CACNA2D3: variants seen among roughly 807,000 people sequenced by gnomAD.
The protein encoded by CACNA2D3 is calcium voltage-gated channel auxiliary subunit alpha2delta 3.
Under a neutral mutation model 160.6 loss-of-function variants are expected in CACNA2D3, and 60 were observed. The ratio of observed to expected loss-of-function variants is 0.37; its 90% CI spans 0.30 to 0.46. The LOEUF is 0.46. Ranked by LOEUF, CACNA2D3 falls within the 20% of genes least tolerant of loss-of-function variation. CACNA2D3 has a pLI of 1.00. For synonymous variants in CACNA2D3, 558 were observed against 492.9 expected, an observed-to-expected ratio of 1.13 and a Z score of -1.75; for missense variants, 1,205 against 1,365.0, an observed-to-expected ratio of 0.88 and a Z score of 1.85.
intron 11 of CACNA2D3, among the ~76,000 whole-genome samples, chr3:54,646,187 CTT>C (rs1258853573): frequency 0.47 from 7,523 of 16,116 alleles, 1,988 homozygotes; most frequent in Non-Finnish European, 0.55. Flanking sequence ...TCCCTCCCTC[CTT>C]CCTTGCTTCC....
At chr3:54,918,888 T>G (rs753278376) in intron 27 of CACNA2D3, 27 of 1,524,108 alleles carry the variant, frequency 1.8e-5, no homozygotes, top group Non-Finnish European at 2.4e-5. Flanking sequence ...CGTCTGTTAG[T>G]CCCCCTTTAA....
At chr3:54,814,614 G>A (rs7644892) in intron 13 of CACNA2D3, among the ~76,000 whole-genome samples, 23,530 of 152,194 alleles carry the variant, frequency 0.15, 1,902 homozygotes, top group East Asian at 0.18. Flanking sequence ...TTATTTAAAA[G>A]CTCCAGTAGG....
intron 9 of CACNA2D3, among the ~76,000 whole-genome samples, chr3:54,583,129 T>G (rs752442069): frequency 6.6e-6 from 1 of 152,200 alleles, no homozygotes; most frequent in Non-Finnish European, 1.5e-5. Flanking sequence ...AGTGAAGATC[T>G]CATCCCTATT....
intron 27 of CACNA2D3, among the ~76,000 whole-genome samples, chr3:54,941,217 C>G (rs1701458549): frequency 6.6e-6 from 1 of 152,138 alleles, no homozygotes; most frequent in South Asian, 2.1e-4. Context: ...ACAGGCAAAG[C>G]CTTGTCCAAA....
chr3:54,778,280 A>T (rs1298329774), intron 13 of CACNA2D3, among the ~76,000 whole-genome samples: 8 of 151,966 alleles, frequency 5.3e-5, no homozygotes, highest in Admixed American at 2.0e-4. Flanking sequence ...CTTCTCCAAC[A>T]TTGGGGGTTA....
chr3:54,728,707 G>A (rs1048706927), intron 11 of CACNA2D3, among the ~76,000 whole-genome samples: 1 of 152,172 alleles, frequency 6.6e-6, no homozygotes, highest in Non-Finnish European at 1.5e-5. Context: ...TACAGGCAAA[G>A]TATCTTGATC....
intron 3 of CACNA2D3, among the ~76,000 whole-genome samples, chr3:54,367,242 G>A (rs1368241824): frequency 2.6e-5 from 4 of 151,940 alleles, no homozygotes; most frequent in African/African-American, 9.7e-5. Context: ...GCTAAATTTT[G>A]TTCACTAGAC....
chr3:54,155,097 A>T (rs1480449828), intron 2 of CACNA2D3, among the ~76,000 whole-genome samples: 1 of 152,242 alleles, frequency 6.6e-6, no homozygotes, highest in Non-Finnish European at 1.5e-5. Context: ...GCTGATGGCC[A>T]TTAGCTCGAG....
In CACNA2D3 at chr3:54,926,505, TACACACACACACACACACACACAC is replaced by T. The variant is rs36205023; in HGVS notation, c.2449+26662_2449+26685del. Among the ~76,000 whole-genome samples the T allele has an allele frequency of 3.1e-3, 447 of 143,408 alleles. 1 individual carries two copies. Among genetic ancestry groups the T allele is most frequent in the Non-Finnish European group, 5.4e-3 (351 of 65,492 alleles). 94.1% of individuals were successfully genotyped at this position (143,408 alleles called of 152,430 possible). On this transcript the variant is annotated intron_variant, in intron 27 of 37. Transcript: ENST00000474759. ...CTACTGTGCTCCACTGCCTGTCAAA[TACACACACACACACACACACACAC>T]ACACACACACACACACACACACACT...
intron 4 of CACNA2D3, among the ~76,000 whole-genome samples, chr3:54,425,332 A>AAAAC (rs3028872): frequency 0.033 from 5,035 of 152,150 alleles, 243 homozygotes; most frequent in African/African-American, 0.1. Flanking sequence ...ACTCCATCTC[A>AAAAC]AAACAAACAA....
At chr3:54,776,068 T>A (rs1702419780) in intron 13 of CACNA2D3, among the ~76,000 whole-genome samples, 1 of 152,200 alleles carries the variant, frequency 6.6e-6, no homozygotes, top group Non-Finnish European at 1.5e-5. Context: ...GTGTTGTGTA[T>A]CTGAGTTTAC....
At chr3:55,000,101 T>A (rs868013240) in intron 31 of CACNA2D3, among the ~76,000 whole-genome samples, 7 of 152,180 alleles carry the variant, frequency 4.6e-5, no homozygotes, top group South Asian at 4.1e-4. Flanking sequence ...CCCCCACTGC[T>A]GAGTGCAGCT....
intron 24 of CACNA2D3, among the ~76,000 whole-genome samples, 158 bp downstream of exon 24, chr3:54,888,210 G>T (rs193068183): frequency 1.2e-4 from 18 of 152,312 alleles, no homozygotes; most frequent in Admixed American, 9.8e-4. Context: ...GCAGATTAGC[G>T]GCTCGGGCTT....
chr3:54,834,119 A>G (rs1703935016), intron 14 of CACNA2D3, among the ~76,000 whole-genome samples: 1 of 152,222 alleles, frequency 6.6e-6, no homozygotes, highest in African/African-American at 2.4e-5. Flanking sequence ...TTCTGGCTTA[A>G]TATTTTGAAG....
intron 2 of CACNA2D3, among the ~76,000 whole-genome samples, chr3:54,278,832 C>T (rs191681749): frequency 1.3e-4 from 20 of 151,120 alleles, no homozygotes; most frequent in South Asian, 2.1e-4. Flanking sequence ...CAGGGCCTGT[C>T]GGGGGATGGG....
chr3:54,306,563 G>T (rs1215213102), intron 2 of CACNA2D3, among the ~76,000 whole-genome samples: 1 of 152,216 alleles, frequency 6.6e-6, no homozygotes, highest in Non-Finnish European at 1.5e-5. Context: ...GCATGGCCAA[G>T]GAACTGTGAG....
chr3:54,159,221 G>GA (rs1259661916), intron 2 of CACNA2D3, among the ~76,000 whole-genome samples: 1 of 151,502 alleles, frequency 6.6e-6, no homozygotes, highest in African/African-American at 2.4e-5. Context: ...ATAAGTTTAA[G>GA]AAAAAAAATC....
At chr3:54,600,785 G>A (rs949208927) in intron 9 of CACNA2D3, among the ~76,000 whole-genome samples, 3 of 152,000 alleles carry the variant, frequency 2.0e-5, no homozygotes, top group African/African-American at 7.3e-5. Context: ...CTAATGAGCC[G>A]GGAGTGGAAG....
At chr3:54,687,132 T>TC (rs1559549419) in intron 11 of CACNA2D3, among the ~76,000 whole-genome samples, 1 of 64,180 alleles carries the variant, frequency 1.6e-5, no homozygotes, top group Non-Finnish European at 3.0e-5. Flanking sequence ...TTTTTTTTTT[T>TC]TTGTTTTTTT....
Sources: gnomAD v4.1 joint callset for allele counts (sites outside exome capture counted in the v4.1 genomes callset) on GRCh38, gnomAD v4.1.1 for gene constraint, MANE v1.5 for transcripts, NCBI Gene and HGNC (gene_info 2026-07-23, HGNC 2026-07-21) for gene names.